CEPT1: variants seen among roughly 807,000 people sequenced by gnomAD.
The protein encoded by CEPT1 is choline/ethanolamine phosphotransferase 1.
CEPT1 carries 7 observed loss-of-function variants against 42.6 expected under a neutral mutation model. The ratio of observed to expected loss-of-function variants is 0.16; its 90% CI spans 0.09 to 0.31. The LOEUF (loss-of-function observed/expected upper bound fraction) is 0.31, where lower values mean the gene tolerates loss of function less well. CEPT1 is among the 10% of genes least tolerant of loss of function. CEPT1 has a pLI of 1.00. For missense variants in CEPT1, 306 were observed against 502.1 expected, an observed-to-expected ratio of 0.61 and a Z score of 3.73; for synonymous variants, 171 against 171.9, an observed-to-expected ratio of 0.99 and a Z score of 0.04.
chr1:111,185,039 A>AT lies in CEPT1; in HGVS notation c.*736dup, dbSNP rs1412514110. ...GAAAGATAAACTAAGTTTTAATGTT[A>AT]TTTTTTTAAATTTAAGCAAAATTTA... On this transcript the variant is annotated 3_prime_UTR_variant, in exon 9 of 9. Coordinates refer to ENST00000357172, the MANE Select transcript of CEPT1 (RefSeq NM_006090.5). 2.0e-5 allele frequency: 3 copies of AT among 152,408 alleles called. No homozygotes were observed. Among genetic ancestry groups the AT allele is most frequent in the Non-Finnish European group, 4.4e-5 (3 of 67,964 alleles). 9.4% of individuals were successfully genotyped at this position (152,408 alleles called of 1,614,324 possible).
intron 2 of CEPT1, among the ~76,000 whole-genome samples, chr1:111,158,873 A>G (rs1415540055): frequency 6.6e-6 from 1 of 151,050 alleles, no homozygotes; most frequent in Non-Finnish European, 1.5e-5. Flanking sequence ...AACACCTCTA[A>G]AAGCAGGAAA....
intron 4 of CEPT1, among the ~76,000 whole-genome samples, chr1:111,164,060 G>T (rs1198323082): frequency 6.6e-6 from 1 of 152,022 alleles, no homozygotes; most frequent in Non-Finnish European, 1.5e-5. Flanking sequence ...TAGAATGTTT[G>T]CCAGATAAGA....
rs1016469732 is a variant in CEPT1, at chr1:111,182,560, A to G, written c.847-239A>G. 7.5e-5 allele frequency: 43 copies of G among 573,156 alleles called. 1 individual carries two copies. The South Asian group carries it at 1.1e-3, about 14-fold the overall frequency. The allele number at this position is 573,156 out of a possible 1,614,324, so 35.5% of individuals were successfully genotyped here. A position where few individuals can be genotyped will look rare whatever the true frequency, so the allele number is the denominator to read the frequency against. ...CACTTATTCACATGTTTTTTAAAGT[A>G]TGAGCTGCTTTGTAAAAATAAGCCT... On this transcript the variant is annotated intron_variant, in intron 6 of 8. Transcript: ENST00000357172.
chr1:111,168,255 A>G (rs1023274532), intron 4 of CEPT1, among the ~76,000 whole-genome samples: 17 of 152,178 alleles, frequency 1.1e-4, no homozygotes, highest in Non-Finnish European at 1.9e-4. Context: ...ATAGTCCAGA[A>G]TCATTCACAC....
intron 1 of CEPT1, among the ~76,000 whole-genome samples, chr1:111,145,956 A>G (rs761634070): frequency 1.3e-5 from 2 of 152,204 alleles, no homozygotes; most frequent in African/African-American, 4.8e-5. Flanking sequence ...TAGTAGATCT[A>G]TTGTCGAGAT....
chr1:111,169,205 TA>T (rs1656296841), intron 4 of CEPT1, among the ~76,000 whole-genome samples: 4 of 152,228 alleles, frequency 2.6e-5, no homozygotes, highest in Non-Finnish European at 5.9e-5. Context: ...CCGACTGTAC[TA>T]AGAAGTGTAT....
At chr1:111,151,777 C>T (rs1655291093) in intron 2 of CEPT1, among the ~76,000 whole-genome samples, 1 of 152,180 alleles carries the variant, frequency 6.6e-6, no homozygotes, top group African/African-American at 2.4e-5. Flanking sequence ...TTTACAGATG[C>T]ACATTTTCCC....
At chr1:111,141,039 G>A (rs912876447) in intron 1 of CEPT1, among the ~76,000 whole-genome samples, 3 of 152,188 alleles carry the variant, frequency 2.0e-5, no homozygotes, top group African/African-American at 7.2e-5. Context: ...TGCATCATTA[G>A]TATTGAATAT....
At chr1:111,181,720 A>T (rs1656998959) in intron 5 of CEPT1, 2 of 152,242 alleles carry the variant, frequency 1.3e-5, no homozygotes, top group Non-Finnish European at 2.9e-5. Flanking sequence ...TACTCTGCAG[A>T]TTTTTATATC....
rs748627792 is a variant in CEPT1 at position 111,172,522 on chromosome 1, G to A, written c.630-2357G>A. On this transcript the variant is annotated intron_variant, in intron 4 of 8. Coordinates refer to ENST00000357172, the MANE Select transcript of CEPT1 (RefSeq NM_006090.5). ...TTTGTAGTATGTGTTACAGTAAATT[G>A]AGCCCATACTGAGACTTCTTAGTGG... Among the ~76,000 whole-genome samples the A allele has an allele frequency of 2.6e-5, 4 of 152,216 alleles. No individual in the cohort carries two copies. In the Middle Eastern group the frequency reaches 0.01, roughly 388 times the overall value.
At chr1:111,180,828 A>G (rs1254520868) in intron 5 of CEPT1, 3 of 152,222 alleles carry the variant, frequency 2.0e-5, no homozygotes, top group African/African-American at 7.2e-5. Context: ...AAAAGTGTAG[A>G]TAGATGTTAG....
intron 4 of CEPT1, chr1:111,167,508 T>C: frequency 1.2e-6 from 1 of 866,172 alleles, no homozygotes; most frequent in Non-Finnish European, 1.4e-6. Flanking sequence ...GTAAATAGAA[T>C]TTTTTTTATA....
chr1:111,146,873 A>G (rs1421129515), intron 1 of CEPT1, among the ~76,000 whole-genome samples: 4 of 146,838 alleles, frequency 2.7e-5, no homozygotes, highest in African/African-American at 1.0e-4. Flanking sequence ...AATTTTTTTC[A>G]TTGTTGTATA....
At chr1:111,175,633 T>TTTA (rs1656638998) in intron 5 of CEPT1, among the ~76,000 whole-genome samples, 2 of 152,344 alleles carry the variant, frequency 1.3e-5, no homozygotes, top group Admixed American at 6.5e-5. Flanking sequence ...TTTCCTCCTC[T>TTTA]GTAACATGAG....
At chr1:111,146,534 G>A (rs1189857852) in intron 1 of CEPT1, among the ~76,000 whole-genome samples, 1 of 151,854 alleles carries the variant, frequency 6.6e-6, no homozygotes, top group Non-Finnish European at 1.5e-5. Context: ...ATTACTTATA[G>A]ATTTGACTGT....
At chr1:111,152,529 C>G (rs187655743) in intron 2 of CEPT1, among the ~76,000 whole-genome samples, 2 of 152,214 alleles carry the variant, frequency 1.3e-5, no homozygotes, top group Admixed American at 1.3e-4. Flanking sequence ...GTGGAACACA[C>G]AGTACACCAT....
chr1:111,149,132 AG>A (rs1655128269), intron 2 of CEPT1, among the ~76,000 whole-genome samples: 1 of 151,976 alleles, frequency 6.6e-6, no homozygotes, highest in Admixed American at 6.6e-5. Context: ...ATGGCTATTG[AG>A]GGTCACCTTT....
intron 4 of CEPT1, among the ~76,000 whole-genome samples, chr1:111,165,798 C>T (rs996087295): frequency 2.2e-4 from 33 of 152,156 alleles, no homozygotes; most frequent in African/African-American, 7.5e-4. Context: ...TAAGTAGCTT[C>T]CCACTCTTTC....
intron 1 of CEPT1, among the ~76,000 whole-genome samples, chr1:111,144,005 C>A (rs1394269485): frequency 9.2e-5 from 14 of 152,184 alleles, no homozygotes. Context: ...GCTGAGATTA[C>A]AGGCAATGAG....
Sources: allele counts gnomAD v4.1 joint callset (sites outside exome capture counted in the v4.1 genomes callset), GRCh38; gene constraint gnomAD v4.1.1; transcripts MANE v1.5; gene names NCBI Gene and HGNC (gene_info 2026-07-23, HGNC 2026-07-21).